SRRM4: variants seen among roughly 807,000 people sequenced by gnomAD.
The protein encoded by SRRM4 is serine/arginine repetitive matrix 4.
A neutral mutation model predicts 68.9 loss-of-function variants in SRRM4; 33 were observed. The ratio of observed to expected loss-of-function variants is 0.48; its 90% CI spans 0.36 to 0.64. SRRM4 has a LOEUF of 0.64. Ranked by LOEUF, SRRM4 falls within the 30% of genes least tolerant of loss-of-function variation. The probability of loss-of-function intolerance (pLI) is 0.00; values close to 1 mark genes in which losing one functional copy is unlikely to be tolerated. For missense variants in SRRM4, 817 were observed against 827.1 expected (o/e 0.99, Z 0.15); for synonymous variants, 318 against 318.8 (o/e 1.00, Z 0.03).
At chr12:119,078,274 T>G (rs942653860) in intron 1 of SRRM4, among the ~76,000 whole-genome samples, 1 of 152,188 alleles carries the variant, frequency 6.6e-6, no homozygotes, top group Non-Finnish European at 1.5e-5. Flanking sequence ...GCCCACTAGT[T>G]GTGTACTGAG....
chr12:119,095,113 C>A (rs1417667591), intron 1 of SRRM4, among the ~76,000 whole-genome samples: 1 of 151,672 alleles, frequency 6.6e-6, no homozygotes, highest in Non-Finnish European at 1.5e-5. Flanking sequence ...CTGAAGATTA[C>A]CCCCATCCAG....
At chr12:119,128,808 C>T (rs1204317320) in intron 7 of SRRM4, among the ~76,000 whole-genome samples, 2 of 152,236 alleles carry the variant, frequency 1.3e-5, no homozygotes, top group Non-Finnish European at 2.9e-5. Context: ...GAGAATCATA[C>T]AAGGCTTTAG....
rs905843199 is a variant in SRRM4, at chr12:119,125,328, T to G, written c.516-53T>G. ...ACAAGATCAAATCTCTCACTCTCCC[T>G]TTTTTACTCTCTCTCTCCTCTCCTC... On this transcript the variant is annotated intron_variant, in intron 6 of 12. Coordinates refer to ENST00000267260, the MANE Select transcript of SRRM4 (RefSeq NM_194286.4). 5 of 1,512,776 alleles carry G rather than the reference T, an allele frequency of 3.3e-6. No homozygotes were observed. The Admixed American group carries it at 7.1e-5, about 21-fold the overall frequency. 93.7% of individuals were successfully genotyped at this position (1,512,776 alleles called of 1,614,324 possible). A position where few individuals can be genotyped will look rare whatever the true frequency, so the allele number is the denominator to read the frequency against.
intron 1 of SRRM4, among the ~76,000 whole-genome samples, chr12:119,011,050 G>A (rs1216298479): frequency 1.3e-5 from 2 of 152,084 alleles, no homozygotes; most frequent in African/African-American, 4.8e-5. Flanking sequence ...TTCAAAGGAT[G>A]TACACCAAAC....
At chr12:119,053,587 A>G (rs961941580) in intron 1 of SRRM4, among the ~76,000 whole-genome samples, 12 of 152,242 alleles carry the variant, frequency 7.9e-5, no homozygotes, top group African/African-American at 2.9e-4. Context: ...CACATAGTCA[A>G]TGTGAAATAA....
chr12:119,145,128 T>C (rs1954392559), intron 8 of SRRM4, among the ~76,000 whole-genome samples: 1 of 152,230 alleles, frequency 6.6e-6, no homozygotes, highest in Non-Finnish European at 1.5e-5. Context: ...TTGTTTAATC[T>C]GAATCGCATG....
chr12:119,070,702 T>C (rs1211175429), intron 1 of SRRM4, among the ~76,000 whole-genome samples: 1 of 152,178 alleles, frequency 6.6e-6, no homozygotes, highest in Non-Finnish European at 1.5e-5. Flanking sequence ...TCATAAAAGA[T>C]AGAATGGACT....
chr12:119,065,315 G>A (rs761430131), intron 1 of SRRM4, among the ~76,000 whole-genome samples: 17 of 152,310 alleles, frequency 1.1e-4, no homozygotes, highest in South Asian at 6.2e-4. Flanking sequence ...CTCCAAGTGA[G>A]TCAGATCCCC....
chr12:119,120,505 C>T (rs1047107170), intron 5 of SRRM4, among the ~76,000 whole-genome samples: 1 of 137,034 alleles, frequency 7.3e-6, no homozygotes, highest in Non-Finnish European at 1.5e-5. Context: ...CCAGCCCTAT[C>T]GATGTCTCGA....
intron 1 of SRRM4, among the ~76,000 whole-genome samples, chr12:119,063,503 A>C (rs1381135958): frequency 6.6e-6 from 1 of 152,132 alleles, no homozygotes; most frequent in Non-Finnish European, 1.5e-5. Flanking sequence ...AAGGCGAATC[A>C]CTCTTGCCTT....
chr12:119,102,536 T>G (rs1272777515), intron 2 of SRRM4, among the ~76,000 whole-genome samples, 154 bp downstream of exon 2: 2 of 152,198 alleles, frequency 1.3e-5, no homozygotes, highest in Non-Finnish European at 2.9e-5. Context: ...CAGAAATATT[T>G]TAAGTTTGTA....
intron 1 of SRRM4, among the ~76,000 whole-genome samples, chr12:119,017,537 G>A (rs983635667): frequency 6.6e-6 from 1 of 152,238 alleles, no homozygotes; most frequent in African/African-American, 2.4e-5. Flanking sequence ...GCAGCAGGAG[G>A]CTGGGGAAGA....
intron 1 of SRRM4, among the ~76,000 whole-genome samples, chr12:119,058,751 C>A (rs1175319593): frequency 2.0e-5 from 3 of 152,168 alleles, no homozygotes; most frequent in Non-Finnish European, 2.9e-5. Flanking sequence ...CTAGAGGACA[C>A]ACTCCAGCTC....
At chr12:119,022,642 G>C (rs904124744) in intron 1 of SRRM4, among the ~76,000 whole-genome samples, 1 of 152,212 alleles carries the variant, frequency 6.6e-6, no homozygotes, top group Non-Finnish European at 1.5e-5. Context: ...CAGAGGGATT[G>C]TGAAGTTTTG....
At chr12:119,150,902 G>A (rs1954434675) in intron 9 of SRRM4, 115 bp from the exon 10 acceptor site, 1 of 897,902 alleles carries the variant, frequency 1.1e-6, no homozygotes, top group East Asian at 2.6e-5. Flanking sequence ...TGGGAAAAGG[G>A]GCAAAGAGGG....
At chr12:119,041,322 G>A (rs1420743116) in intron 1 of SRRM4, among the ~76,000 whole-genome samples, 4 of 152,258 alleles carry the variant, frequency 2.6e-5, no homozygotes, top group South Asian at 4.1e-4. Context: ...TGATTGGGCC[G>A]CTTAACTTGT....
rs771170638 is a variant in SRRM4 at position 119,157,053 on chromosome 12, A to G, written c.*255A>G. 40 of 471,800 alleles carry G rather than the reference A, an allele frequency of 8.5e-5. No individual in the cohort carries two copies. The highest frequency in any genetic ancestry group is 1.1e-3 in the Middle Eastern group (2 of 1,878). The allele number at this position is 471,800 out of a possible 1,614,324, so 29.2% of individuals were successfully genotyped here. A position where few individuals can be genotyped will look rare whatever the true frequency, so the allele number is the denominator to read the frequency against. On this transcript the variant is annotated 3_prime_UTR_variant, in exon 13 of 13. Coordinates refer to ENST00000267260, the MANE Select transcript of SRRM4 (RefSeq NM_194286.4). This position sits in a 1 kb window ranked among gnomAD's most constrained non-coding sequence, Gnocchi z 4.1. ...AAAGAACCATCATCTTGTGGCACAA[A>G]AAAAGAAGAAAGAAAAGAAAACTTC... is the stretch of plus-strand genomic sequence containing the variant.
chr12:119,114,788 C>T (rs1485606850), intron 3 of SRRM4, among the ~76,000 whole-genome samples: 2 of 151,444 alleles, frequency 1.3e-5, no homozygotes, highest in Non-Finnish European at 2.9e-5. Context: ...CCTCAGCCTC[C>T]CGAGTAGCTG....
intron 1 of SRRM4, among the ~76,000 whole-genome samples, chr12:119,014,818 T>A (rs1043487201): frequency 6.6e-6 from 1 of 152,154 alleles, no homozygotes; most frequent in Non-Finnish European, 1.5e-5. Flanking sequence ...GAATATCTTA[T>A]GATTACATAC....
Sources: allele counts gnomAD v4.1 joint callset (sites outside exome capture counted in the v4.1 genomes callset), GRCh38; gene constraint gnomAD v4.1.1; non-coding constraint Gnocchi (gnomAD v3.1); transcripts MANE v1.5; gene names NCBI Gene and HGNC (gene_info 2026-07-23, HGNC 2026-07-21).